The following TNFSF4 variants were observed in gnomAD, a reference collection of about 807,000 sequenced individuals.
The protein encoded by TNFSF4 is TNF superfamily member 4.
In TNFSF4, 4 loss-of-function variants were observed where a neutral mutation model predicts 7.3. That is an observed-to-expected ratio of 0.55 (90% CI 0.27 to 1.25). The LOEUF (loss-of-function observed/expected upper bound fraction) is 1.25. Ranked by LOEUF, TNFSF4 falls within the 50% of genes most tolerant of loss-of-function variation. The pLI is 0.12. For missense variants in TNFSF4, 181 were observed against 208.8 expected, an observed-to-expected ratio of 0.87 and a Z score of 0.82; for synonymous variants, 76 against 83.7, an observed-to-expected ratio of 0.91 and a Z score of 0.50.
chr1:173,381,075 C>G, the TNFSF4 span, among the ~76,000 whole-genome samples: 2 of 152,194 alleles, frequency 1.3e-5, no homozygotes, highest in Admixed American at 6.6e-5. Context: ...TTAGGAATGG[C>G]TACTGCTACA....
At chr1:173,333,450 C>T in the TNFSF4 span, among the ~76,000 whole-genome samples, 2 of 152,088 alleles carry the variant, frequency 1.3e-5, no homozygotes, top group South Asian at 2.1e-4. Flanking sequence ...TTGGTATCCC[C>T]CAAAACTCAT....
the TNFSF4 span, among the ~76,000 whole-genome samples, chr1:173,287,617 T>A: frequency 6.6e-6 from 1 of 152,216 alleles, no homozygotes; most frequent in African/African-American, 2.4e-5. Context: ...CGAAGATATG[T>A]ACAAGGATGT....
At chr1:173,336,630 G>A in the TNFSF4 span, among the ~76,000 whole-genome samples, 1 of 152,114 alleles carries the variant, frequency 6.6e-6, no homozygotes, top group East Asian at 1.9e-4. Flanking sequence ...GATCTTGATT[G>A]CTTTTCCCTT....
chr1:173,257,339 G>A, the TNFSF4 span, among the ~76,000 whole-genome samples: 1 of 152,168 alleles, frequency 6.6e-6, no homozygotes, highest in Non-Finnish European at 1.5e-5. Context: ...TTTATTAATA[G>A]GCTTAGGCAG....
chr1:173,387,926 A>C, the TNFSF4 span, among the ~76,000 whole-genome samples: 1 of 152,222 alleles, frequency 6.6e-6, no homozygotes, highest in Non-Finnish European at 1.5e-5. Context: ...AACCATTCAG[A>C]GTCCAGCTTT....
chr1:173,303,390 C>A, the TNFSF4 span, among the ~76,000 whole-genome samples: 12 of 151,802 alleles, frequency 7.9e-5, no homozygotes, highest in Non-Finnish European at 1.8e-4. Flanking sequence ...AAGAGACTTT[C>A]CCCCCACCTC....
the TNFSF4 span, among the ~76,000 whole-genome samples, chr1:173,262,893 C>T: frequency 7.2e-4 from 110 of 152,272 alleles, no homozygotes; most frequent in African/African-American, 2.5e-3. Flanking sequence ...AGCCACCACG[C>T]CCAGCCCCCA....
At chr1:173,422,098 C>T in the TNFSF4 span, among the ~76,000 whole-genome samples, 4 of 152,072 alleles carry the variant, frequency 2.6e-5, no homozygotes, top group South Asian at 2.1e-4. Flanking sequence ...GAAAAAAAAG[C>T]GGCAACAAAG....
chr1:173,427,275 T>A, the TNFSF4 span, among the ~76,000 whole-genome samples: 2 of 151,998 alleles, frequency 1.3e-5, no homozygotes, highest in Non-Finnish European at 2.9e-5. Flanking sequence ...CAGGGATGAT[T>A]TTTCCCTACC....
upstream of TNFSF4, among the ~76,000 whole-genome samples, chr1:173,211,502 C>T (rs1465011089): frequency 6.6e-6 from 1 of 152,216 alleles, no homozygotes; most frequent in Non-Finnish European, 1.5e-5. Context: ...CTCACTTGAG[C>T]TCCTGCAGTC....
chr1:173,425,864 A>G, the TNFSF4 span, among the ~76,000 whole-genome samples: 1 of 152,222 alleles, frequency 6.6e-6, no homozygotes. Context: ...AATTTTTCAC[A>G]CATTCTGGCC....
chr1:173,265,263 G>A, the TNFSF4 span, among the ~76,000 whole-genome samples: 4 of 152,198 alleles, frequency 2.6e-5, no homozygotes, highest in East Asian at 7.7e-4. Flanking sequence ...TAGCCGGGCA[G>A]TGGAATATCA....
At chr1:173,218,360 C>T in the TNFSF4 span, among the ~76,000 whole-genome samples, 9 of 152,120 alleles carry the variant, frequency 5.9e-5, no homozygotes, top group African/African-American at 2.2e-4. Flanking sequence ...GTCCCCTCCA[C>T]GGGTACTAGA....
chr1:173,447,035 A>G, the TNFSF4 span, among the ~76,000 whole-genome samples: 1 of 152,220 alleles, frequency 6.6e-6, no homozygotes, highest in Non-Finnish European at 1.5e-5. Context: ...ATATCCATAC[A>G]ATGGAACATT....
chr1:173,201,706 G>A (rs1649949872), intron 1 of TNFSF4, among the ~76,000 whole-genome samples: 1 of 152,088 alleles, frequency 6.6e-6, no homozygotes, highest in African/African-American at 2.4e-5. Context: ...CAAAATCTGA[G>A]ATGATGTTTT....
the TNFSF4 span, among the ~76,000 whole-genome samples, chr1:173,270,412 C>T: frequency 1.3e-5 from 2 of 151,920 alleles, no homozygotes; most frequent in Non-Finnish European, 2.9e-5. Context: ...CTGGGGCTCT[C>T]AAATGCTTAG....
the TNFSF4 span, among the ~76,000 whole-genome samples, chr1:173,389,838 C>CT: frequency 6.6e-6 from 1 of 152,056 alleles, no homozygotes; most frequent in African/African-American, 2.4e-5. Context: ...TCTAGAAGTT[C>CT]TATTTGATTC....
chr1:173,231,166 C>T, the TNFSF4 span, among the ~76,000 whole-genome samples: 4 of 152,192 alleles, frequency 2.6e-5, no homozygotes, highest in Admixed American at 2.6e-4. Flanking sequence ...AGACCAATAT[C>T]CCTGATGAAC....
At chr1:173,423,936 T>G in the TNFSF4 span, among the ~76,000 whole-genome samples, 62 of 152,274 alleles carry the variant, frequency 4.1e-4, no homozygotes, top group Admixed American at 1.6e-3. Context: ...GGAAACGGCC[T>G]GGTCTCTGCT....
Sources: allele counts gnomAD v4.1 joint callset (sites outside exome capture counted in the v4.1 genomes callset), GRCh38; gene constraint gnomAD v4.1.1; transcripts MANE v1.5; gene names NCBI Gene and HGNC (gene_info 2026-07-23, HGNC 2026-07-21).